TBC1D19: variants seen among roughly 807,000 people sequenced by gnomAD.
TBC1D19 encodes TBC1 domain family member 19.
TBC1D19 carries 60 observed loss-of-function variants against 89.0 expected under a neutral mutation model. That is an observed-to-expected ratio of 0.67 (90% confidence interval 0.55 to 0.84). TBC1D19 has a LOEUF of 0.84. Among genes scored for constraint, TBC1D19 ranks in the 40% least tolerant of loss-of-function variants. TBC1D19 has a pLI of 0.00. For missense variants in TBC1D19, 500 were observed against 610.8 expected, an observed-to-expected ratio of 0.82 and a Z score of 1.91; for synonymous variants, 189 against 199.7, an observed-to-expected ratio of 0.95 and a Z score of 0.45.
chr4:26,851,583 T>C, the TBC1D19 span, among the ~76,000 whole-genome samples: 1 of 152,232 alleles, frequency 6.6e-6, no homozygotes, highest in East Asian at 1.9e-4. Context: ...AGCTACTGAA[T>C]TCCCCTTCAT....
At chr4:26,787,892 G>A in the TBC1D19 span, among the ~76,000 whole-genome samples, 2 of 152,298 alleles carry the variant, frequency 1.3e-5, no homozygotes, top group African/African-American at 4.8e-5. Flanking sequence ...GACAGCTGCA[G>A]GACTCTGGCA....
At chr4:26,698,214 A>G (rs1464547129) in intron 13 of TBC1D19, among the ~76,000 whole-genome samples, 1 of 152,230 alleles carries the variant, frequency 6.6e-6, no homozygotes, top group East Asian at 1.9e-4. Context: ...CTTATTCATC[A>G]ATAGCAGACA....
chr4:26,813,522 C>G, the TBC1D19 span, among the ~76,000 whole-genome samples: 1 of 152,160 alleles, frequency 6.6e-6, no homozygotes, highest in African/African-American at 2.4e-5. Context: ...GTCTTAGACC[C>G]TGCTGGGGTG....
intron 3 of TBC1D19, among the ~76,000 whole-genome samples, chr4:26,617,731 C>T (rs1432540659): frequency 6.6e-6 from 1 of 152,176 alleles, no homozygotes; most frequent in Non-Finnish European, 1.5e-5. Context: ...TGTTAGTCTT[C>T]ATTGTACTTT....
chr4:26,805,222 G>A, the TBC1D19 span, among the ~76,000 whole-genome samples: 1 of 152,244 alleles, frequency 6.6e-6, no homozygotes, highest in Non-Finnish European at 1.5e-5. Flanking sequence ...GTAAGCTGTT[G>A]CTACATCATT....
chr4:26,604,537 A>G (rs887529831), intron 1 of TBC1D19, among the ~76,000 whole-genome samples: 1 of 151,206 alleles, frequency 6.6e-6, no homozygotes, highest in Non-Finnish European at 1.5e-5. Context: ...TTATCCATCT[A>G]TAGACATTTG....
At chr4:26,805,524 C>G in the TBC1D19 span, among the ~76,000 whole-genome samples, 24 of 152,310 alleles carry the variant, frequency 1.6e-4, no homozygotes, top group South Asian at 5.0e-3. Context: ...CCATCTTCTT[C>G]AGGGTATCCT....
chr4:26,695,367 C>T lies in TBC1D19; in HGVS notation c.954+6960C>T, dbSNP rs541303794. 7.9e-5 allele frequency among the ~76,000 whole-genome samples: 12 copies of T among 152,218 alleles called. No individual in the cohort carries two copies. In the South Asian group the frequency reaches 2.5e-3, roughly 32 times the overall value. ...AGAAATATGGGACTGTGTGAAAAGA[C>T]CAAATCTGTGTCTGATTGGTGTACC... On this transcript the variant is annotated intron_variant, in intron 13 of 20. Coordinates refer to ENST00000264866, the MANE Select transcript of TBC1D19 (RefSeq NM_018317.4).
At chr4:26,666,492 T>C in intron 9 of TBC1D19, 87 bp downstream of exon 9, 1 of 1,100,214 alleles carries the variant, frequency 9.1e-7, no homozygotes, top group Non-Finnish European at 1.3e-6. Flanking sequence ...AATCTAGCAA[T>C]TTTTTTATAT....
chr4:26,753,246 G>A (rs1047344246), intron 19 of TBC1D19, among the ~76,000 whole-genome samples: 9 of 152,150 alleles, frequency 5.9e-5, no homozygotes, highest in Admixed American at 6.5e-5. Flanking sequence ...AACATAATCT[G>A]TTTAAAAATT....
the TBC1D19 span, among the ~76,000 whole-genome samples, chr4:26,842,609 TTTC>T: frequency 7.1e-6 from 1 of 141,380 alleles, no homozygotes; most frequent in African/African-American, 2.7e-5. Flanking sequence ...TCTTTCTTTC[TTTC>T]TTTCTTTCTT....
At chr4:26,582,666 T>C (rs1434998146), upstream of TBC1D19, among the ~76,000 whole-genome samples, 2 of 152,240 alleles carry the variant, frequency 1.3e-5, no homozygotes, top group Non-Finnish European at 2.9e-5. Context: ...TGAGAAATTC[T>C]GAGTTGTGAG....
At chr4:26,812,391 CA>C in the TBC1D19 span, among the ~76,000 whole-genome samples, 1 of 152,182 alleles carries the variant, frequency 6.6e-6, no homozygotes, top group Non-Finnish European at 1.5e-5. This position sits in a 1 kb window ranked among gnomAD's most constrained non-coding sequence, Gnocchi z 4.2. Context: ...CCTGCCAACG[CA>C]ATTACCATGA....
intron 4 of TBC1D19, among the ~76,000 whole-genome samples, chr4:26,628,159 C>T (rs1277649109): frequency 6.6e-6 from 1 of 152,092 alleles, no homozygotes; most frequent in African/African-American, 2.4e-5. Context: ...TTCCCCATTG[C>T]TTGTTTTTCT....
intron 1 of TBC1D19, among the ~76,000 whole-genome samples, chr4:26,592,422 C>G (rs1452764614): frequency 2.0e-5 from 3 of 152,148 alleles, no homozygotes; most frequent in Non-Finnish European, 4.4e-5. Context: ...CCTTTGAAAA[C>G]TGGCACAAGA....
At chr4:26,637,309 T>A in intron 5 of TBC1D19, 24 bp downstream of exon 5, 4 of 1,562,366 alleles carry the variant, frequency 2.6e-6, no homozygotes, top group Non-Finnish European at 3.5e-6. Context: ...TTTTTCTGTT[T>A]AAGTATTTCA....
At chr4:26,600,200 G>A (rs1166899814) in intron 1 of TBC1D19, among the ~76,000 whole-genome samples, 1 of 152,146 alleles carries the variant, frequency 6.6e-6, no homozygotes, top group Non-Finnish European at 1.5e-5. Context: ...TTTGAAGAGA[G>A]AAGGAATAAT....
intron 4 of TBC1D19, among the ~76,000 whole-genome samples, chr4:26,634,170 G>T (rs1205117542): frequency 1.3e-5 from 2 of 151,722 alleles, no homozygotes; most frequent in African/African-American, 4.8e-5. Flanking sequence ...TGGTCCTTAT[G>T]CTGGATTCAT....
At chr4:26,691,669 G>A (rs7654946) in intron 13 of TBC1D19, among the ~76,000 whole-genome samples, 19 of 152,176 alleles carry the variant, frequency 1.2e-4, no homozygotes, top group African/African-American at 4.1e-4. Context: ...AGACTATAGT[G>A]TAGTATAAAC....
Sources: allele counts gnomAD v4.1 joint callset (sites outside exome capture counted in the v4.1 genomes callset), GRCh38; gene constraint gnomAD v4.1.1; non-coding constraint Gnocchi (gnomAD v3.1); transcripts MANE v1.5; gene names NCBI Gene and HGNC (gene_info 2026-07-23, HGNC 2026-07-21).